The following RABGAP1L variants were observed in gnomAD, a reference collection of about 807,000 sequenced individuals.
RABGAP1L encodes the protein rab GTPase-activating protein 1-like.
A neutral mutation model predicts 137.7 loss-of-function variants in RABGAP1L; 63 were observed. The ratio of observed to expected loss-of-function variants is 0.46; its 90% CI spans 0.37 to 0.56. RABGAP1L has a LOEUF of 0.56. Among genes scored for constraint, RABGAP1L ranks in the 20% least tolerant of loss-of-function variants. The pLI, the probability that RABGAP1L is intolerant of heterozygous loss-of-function variation, is 0.00. For synonymous variants in RABGAP1L, 431 were observed against 433.7 expected, an observed-to-expected ratio of 0.99 and a Z score of 0.08; for missense variants, 1,095 against 1,244.0, an observed-to-expected ratio of 0.88 and a Z score of 1.80.
rs753636933 is a variant in RABGAP1L, at chr1:174,241,468, A to T, written c.543-15A>T. 2 of 1,466,218 alleles carry T rather than the reference A, an allele frequency of 1.4e-6. No homozygotes were observed. Among genetic ancestry groups the T allele is most frequent in the Admixed American group, 2.4e-5 (1 of 42,160 alleles). The allele number at this position is 1,466,218 out of a possible 1,614,324, so 90.8% of individuals were successfully genotyped here. A position where few individuals can be genotyped will look rare whatever the true frequency, so the allele number is the denominator to read the frequency against. Reference sequence around the variant, plus strand: ...GAATTAATATTTTATCTAACTTTTCATTACTGTTCTACAGAATTATAGACC... The same window carrying T: ...GAATTAATATTTTATCTAACTTTTCTTTACTGTTCTACAGAATTATAGACC... On this transcript the variant is annotated splice_polypyrimidine_tract_variant and intron_variant, in intron 4 of 25. Coordinates refer to ENST00000681986, the MANE Select transcript of RABGAP1L (RefSeq NM_001366446.1).
At chr1:174,836,718 A>G (rs1360870311) in intron 19 of RABGAP1L, among the ~76,000 whole-genome samples, 2 of 152,164 alleles carry the variant, frequency 1.3e-5, no homozygotes, top group East Asian at 3.8e-4. Context: ...GTTCTCTGTT[A>G]TATTTACTTA....
intron 14 of RABGAP1L, among the ~76,000 whole-genome samples, chr1:174,668,199 T>C (rs1676924898): frequency 6.6e-6 from 1 of 152,202 alleles, no homozygotes; most frequent in Non-Finnish European, 1.5e-5. Flanking sequence ...AGTAGACCTG[T>C]TAGCTTATTC....
intron 13 of RABGAP1L, among the ~76,000 whole-genome samples, chr1:174,452,253 G>T (rs1254294455): frequency 6.6e-6 from 1 of 152,038 alleles, no homozygotes; most frequent in Admixed American, 6.6e-5. Context: ...TTTTCCTAAG[G>T]GTTCTATTAT....
chr1:174,201,854 A>T (rs1462627989), intron 1 of RABGAP1L, among the ~76,000 whole-genome samples: 2 of 125,426 alleles, frequency 1.6e-5, no homozygotes, highest in Non-Finnish European at 3.1e-5. Flanking sequence ...TCCTGTGTCC[A>T]TGTGTTCTCA....
At chr1:174,466,577 A>G (rs1657319233) in intron 13 of RABGAP1L, among the ~76,000 whole-genome samples, 1 of 152,218 alleles carries the variant, frequency 6.6e-6, no homozygotes, top group South Asian at 2.1e-4. Context: ...ACTTGAGGTC[A>G]GGAGTTTGAG....
At chr1:174,899,829 T>G (rs921558068) in intron 19 of RABGAP1L, among the ~76,000 whole-genome samples, 12 of 152,036 alleles carry the variant, frequency 7.9e-5, no homozygotes, top group African/African-American at 2.9e-4. Context: ...ATCATAATCA[T>G]GGATGTCATG....
chr1:174,416,652 C>T (rs141931963), intron 13 of RABGAP1L, among the ~76,000 whole-genome samples: 120 of 152,024 alleles, frequency 7.9e-4, no homozygotes, highest in African/African-American at 2.7e-3. Context: ...TATAAACAAA[C>T]GTGTTTGTCA....
intron 7 of RABGAP1L, among the ~76,000 whole-genome samples, chr1:174,257,042 C>T (rs1379923992): frequency 1.3e-5 from 2 of 152,114 alleles, no homozygotes; most frequent in Non-Finnish European, 2.9e-5. Context: ...TTTAACCCCA[C>T]CTCCTCCCCC....
At chr1:174,612,408 A>G (rs1306390728) in intron 13 of RABGAP1L, among the ~76,000 whole-genome samples, 3 of 152,204 alleles carry the variant, frequency 2.0e-5, no homozygotes, top group Non-Finnish European at 4.4e-5. Context: ...GATGAAGCCC[A>G]CTTGATCATG....
At chr1:174,824,245 G>A (rs938473407) in intron 19 of RABGAP1L, among the ~76,000 whole-genome samples, 18 of 152,124 alleles carry the variant, frequency 1.2e-4, no homozygotes, top group Admixed American at 4.6e-4. Context: ...AGCTGAGTTC[G>A]CTCCACTTCC....
intron 19 of RABGAP1L, among the ~76,000 whole-genome samples, chr1:174,945,212 C>A (rs1366486691): frequency 6.6e-6 from 1 of 152,160 alleles, no homozygotes; most frequent in Non-Finnish European, 1.5e-5. Context: ...GGAATCACAC[C>A]AATACAATTC....
At chr1:174,447,594 A>G (rs1339089534) in intron 13 of RABGAP1L, among the ~76,000 whole-genome samples, 2 of 152,186 alleles carry the variant, frequency 1.3e-5, no homozygotes, top group African/African-American at 4.8e-5. Context: ...TTTTCATCAT[A>G]GATAAAGCAG....
intron 25 of RABGAP1L, among the ~76,000 whole-genome samples, chr1:174,989,108 T>G (rs1422247767): frequency 6.6e-6 from 1 of 152,188 alleles, no homozygotes; most frequent in African/African-American, 2.4e-5. Context: ...CCCTGAGATT[T>G]TTTGCTTACA....
intron 24 of RABGAP1L, 38 bp downstream of exon 24, chr1:174,982,943 AAAG>A: frequency 1.3e-6 from 2 of 1,543,262 alleles, no homozygotes; most frequent in Non-Finnish European, 8.8e-7. Context: ...AATTTATTTC[AAAG>A]TCACACAGGC....
At position 174,693,756 on chromosome 1, in the gene RABGAP1L, G is replaced by A. The variant is rs901695516; in HGVS notation, c.1900-5769G>A. Among the ~76,000 whole-genome samples the A allele has an allele frequency of 1.4e-4, 22 of 152,256 alleles. 1 individual carries two copies. The highest frequency in any genetic ancestry group is 1.4e-3 in the Admixed American group (21 of 15,292). ...AATAAACATGGTGTCTTTTGTTATG[G>A]AGTCCAAAGCTCAGTGGAGCAGTGA... is the stretch of plus-strand genomic sequence containing the variant. On this transcript the variant is annotated intron_variant, in intron 15 of 25. Transcript: ENST00000681986.
At chr1:174,724,773 A>T (rs1681853707) in intron 17 of RABGAP1L, among the ~76,000 whole-genome samples, 1 of 152,218 alleles carries the variant, frequency 6.6e-6, no homozygotes, top group Non-Finnish European at 1.5e-5. Flanking sequence ...AATAAATGTT[A>T]TGAAGGGAAA....
intron 13 of RABGAP1L, among the ~76,000 whole-genome samples, chr1:174,549,941 A>G (rs921943606): frequency 6.6e-6 from 1 of 152,118 alleles, no homozygotes; most frequent in Non-Finnish European, 1.5e-5. Flanking sequence ...CTGAGGTGGG[A>G]GCATTGCTTG....
chr1:174,378,335 G>A (rs1404133130), intron 12 of RABGAP1L, among the ~76,000 whole-genome samples: 15 of 151,244 alleles, frequency 9.9e-5, no homozygotes, highest in African/African-American at 2.9e-4. Flanking sequence ...GGTATTTCTA[G>A]TTCTAGATCC....
At chr1:174,369,381 G>C (rs564914493) in intron 11 of RABGAP1L, among the ~76,000 whole-genome samples, 1 of 152,228 alleles carries the variant, frequency 6.6e-6, no homozygotes. Flanking sequence ...GATAGAAACA[G>C]GGTTTTACCA....
Sources: gnomAD v4.1 joint callset for allele counts (sites outside exome capture counted in the v4.1 genomes callset) on GRCh38, gnomAD v4.1.1 for gene constraint, MANE v1.5 for transcripts, NCBI Gene and HGNC (gene_info 2026-07-23, HGNC 2026-07-21) for gene names.